Variants in MET observed in about 807,000 individuals in gnomAD.
MET encodes MET proto-oncogene, receptor tyrosine kinase, also known as hepatocyte growth factor receptor.
MET carries 48 observed loss-of-function variants against 133.1 expected under a neutral mutation model. The observed-to-expected ratio is 0.36, with a 90% CI of 0.29 to 0.46. The LOEUF is 0.46. Among genes scored for constraint, MET ranks in the 20% least tolerant of loss-of-function variants. The pLI, the probability that MET is intolerant of heterozygous loss-of-function variation, is 1.00. For missense variants in MET, 1,442 were observed against 1,695.9 expected (o/e 0.85, Z 2.63); for synonymous variants, 628 against 616.5 (o/e 1.02, Z -0.28).
chr7:116,741,433 G>A (rs1448539890), intron 5 of MET, among the ~76,000 whole-genome samples: 1 of 152,142 alleles, frequency 6.6e-6, no homozygotes, highest in Admixed American at 6.5e-5. Flanking sequence ...TTCCTATATA[G>A]GCCAAGTGCC....
At chr7:116,704,187 A>C (rs1455546970) in intron 2 of MET, among the ~76,000 whole-genome samples, 1 of 152,088 alleles carries the variant, frequency 6.6e-6, no homozygotes, top group Non-Finnish European at 1.5e-5. Context: ...TACCTACTTC[A>C]CAGGTTTTTG....
chr7:116,716,819 A>T (rs966890564), intron 2 of MET, among the ~76,000 whole-genome samples: 1 of 152,228 alleles, frequency 6.6e-6, no homozygotes, highest in Non-Finnish European at 1.5e-5. Flanking sequence ...TCACCTTGTG[A>T]ATCACCAGTG....
In MET at chr7:116,759,446, A is replaced by C. The variant is rs2116938453; in HGVS notation, c.2320A>C (p.Arg774=). ...AAACCTGAATTCAGTTAGTGTCCCG[A>C]GAATGGTCATAAATGTGCATGAAGC... ...GKNLNSVSVP[R]MVINVHEAGR... Residue 774 remains arginine (R), a synonymous_variant, in exon 10 of 21, where the codon AGA becomes CGA. Transcript: ENST00000397752. 6.2e-7 allele frequency: 1 copy of C among 1,613,850 alleles called. No homozygotes were observed. Among genetic ancestry groups the C allele is most frequent in the Admixed American group, 1.7e-5 (1 of 59,980 alleles).
At chr7:116,730,082 T>C (rs897812678) in intron 2 of MET, among the ~76,000 whole-genome samples, 1 of 151,664 alleles carries the variant, frequency 6.6e-6, no homozygotes, top group African/African-American at 2.4e-5. Flanking sequence ...AATGATATTA[T>C]GAGAATCTAC....
intron 2 of MET, among the ~76,000 whole-genome samples, chr7:116,726,771 T>G (rs773774215): frequency 3.9e-5 from 6 of 152,218 alleles, no homozygotes; most frequent in Non-Finnish European, 7.3e-5. Context: ...ACTAAGGAGC[T>G]TAGACTTTTC....
chr7:116,678,649 C>A (rs1193904596), intron 1 of MET, among the ~76,000 whole-genome samples: 2 of 152,092 alleles, frequency 1.3e-5, no homozygotes, highest in Non-Finnish European at 2.9e-5. Context: ...AAAGGAAAAC[C>A]CAGCCAAGGT....
chr7:116,715,286 C>G (rs1246437165), intron 2 of MET, among the ~76,000 whole-genome samples: 1 of 152,220 alleles, frequency 6.6e-6, no homozygotes, highest in Non-Finnish European at 1.5e-5. Flanking sequence ...AGGCATCAGC[C>G]AGGGCCATGC....
chr7:116,716,331 G>C lies in MET; in HGVS notation c.1201-15337G>C, dbSNP rs187051097. ...AGAGAGAGAGAGAGAGAGAGAGAGA[G>C]AGAGAGAAAAGAAACGGAGAGAGAG... On this transcript the variant is annotated intron_variant, in intron 2 of 20. Coordinates refer to ENST00000397752, the MANE Select transcript of MET (RefSeq NM_000245.4). Among the ~76,000 whole-genome samples, 6 of 129,712 alleles carry C rather than the reference G, an allele frequency of 4.6e-5. No homozygotes were observed. In the East Asian group the frequency reaches 1.2e-3, roughly 27 times the overall value. The allele number at this position is 129,712 out of a possible 152,430, so 85.1% of individuals were successfully genotyped here. A position where few individuals can be genotyped will look rare whatever the true frequency, so the allele number is the denominator to read the frequency against.
chr7:116,782,224 T>C, intron 18 of MET, 127 bp downstream of exon 18: 2 of 737,944 alleles, frequency 2.7e-6, no homozygotes, highest in Non-Finnish European at 4.8e-6. Context: ...TGTTACAATC[T>C]TAAATCGATG....
chr7:116,741,220 G>A, intron 5 of MET, 195 bp downstream of exon 5: 1 of 642,028 alleles, frequency 1.6e-6, no homozygotes, highest in East Asian at 3.1e-5. Context: ...CCTCGGGCAG[G>A]GAGGGGGTGG....
intron 1 of MET, among the ~76,000 whole-genome samples, chr7:116,680,501 T>C (rs1584853346): frequency 1.3e-5 from 2 of 152,198 alleles, no homozygotes; most frequent in South Asian, 4.1e-4. Context: ...GAGGTTTAGA[T>C]GGGATATTGG....
chr7:116,764,448 C>T (rs2116962183), intron 11 of MET, among the ~76,000 whole-genome samples: 1 of 151,698 alleles, frequency 6.6e-6, no homozygotes, highest in Non-Finnish European at 1.5e-5. Flanking sequence ...ACTGTGTTTG[C>T]CATTTGAAAG....
intron 1 of MET, among the ~76,000 whole-genome samples, chr7:116,672,850 C>T (rs964911687): frequency 5.3e-5 from 8 of 152,206 alleles, no homozygotes; most frequent in African/African-American, 1.7e-4. Flanking sequence ...GTGACTGTTA[C>T]GGCCCAGCAA....
chr7:116,714,194 G>C (rs1045962858), intron 2 of MET, among the ~76,000 whole-genome samples: 3 of 152,178 alleles, frequency 2.0e-5, no homozygotes, highest in Non-Finnish European at 4.4e-5. Context: ...CTTAGGAAAT[G>C]ATGATAAAGA....
intron 14 of MET, among the ~76,000 whole-genome samples, chr7:116,772,602 C>A (rs561877850): frequency 6.6e-6 from 1 of 152,104 alleles, no homozygotes; most frequent in Non-Finnish European, 1.5e-5. Context: ...TTATTTAAAT[C>A]TCCTGGTAAA....
chr7:116,792,316 C>T (rs1192904318), intron 19 of MET, among the ~76,000 whole-genome samples: 1 of 152,096 alleles, frequency 6.6e-6, no homozygotes, highest in African/African-American at 2.4e-5. Context: ...TGCTCAAATG[C>T]TCAAAATGGC....
intron 12 of MET, among the ~76,000 whole-genome samples, chr7:116,770,885 CA>C (rs1311257743): frequency 3.3e-5 from 5 of 152,116 alleles, no homozygotes; most frequent in Non-Finnish European, 7.4e-5. Context: ...TGGAAAAACA[CA>C]CAAAAATTAG....
intron 2 of MET, among the ~76,000 whole-genome samples, chr7:116,703,913 A>G (rs181254131): frequency 6.6e-6 from 1 of 152,304 alleles, no homozygotes; most frequent in African/African-American, 2.4e-5. Context: ...AGAAAATACA[A>G]TTAGCACACA....
intron 14 of MET, among the ~76,000 whole-genome samples, chr7:116,772,586 G>C (rs760350427): frequency 1.3e-5 from 2 of 152,142 alleles, no homozygotes; most frequent in Non-Finnish European, 2.9e-5. Context: ...GAGTTTTCAT[G>C]TTGTTTTATT....
Sources: allele counts gnomAD v4.1 joint callset (sites outside exome capture counted in the v4.1 genomes callset), GRCh38; gene constraint gnomAD v4.1.1; transcripts MANE v1.5; gene names NCBI Gene and HGNC (gene_info 2026-07-23, HGNC 2026-07-21).